The following TAFA4 variants were observed in gnomAD, a reference collection of about 807,000 sequenced individuals.
The protein encoded by TAFA4 is chemokine-like protein TAFA-4.
In TAFA4, 20 loss-of-function variants were observed where a neutral mutation model predicts 21.1. That is an observed-to-expected ratio of 0.95 (90% CI 0.67 to 1.38). The LOEUF (loss-of-function observed/expected upper bound fraction) is 1.38. TAFA4 is among the 40% of genes most tolerant of loss of function. TAFA4 has a pLI of 0.00. For missense variants in TAFA4, 211 were observed against 180.9 expected (o/e 1.17, Z -0.95); for synonymous variants, 71 against 67.4 (o/e 1.05, Z -0.26).
At chr3:68,854,959 G>C (rs1414136164) in intron 3 of TAFA4, among the ~76,000 whole-genome samples, 3 of 152,072 alleles carry the variant, frequency 2.0e-5, no homozygotes, top group Admixed American at 6.6e-5. Context: ...TTCACTCTTA[G>C]TTAACATATA....
intron 4 of TAFA4, among the ~76,000 whole-genome samples, chr3:68,744,774 A>T (rs1322775907): frequency 6.6e-6 from 1 of 152,200 alleles, no homozygotes; most frequent in South Asian, 2.1e-4. Context: ...TAAAAAATTT[A>T]AAAAGGAAAC....
intron 4 of TAFA4, 135 bp downstream of exon 4, chr3:68,752,728 T>C (rs1575595470): frequency 1.0e-6 from 1 of 967,684 alleles, no homozygotes; most frequent in East Asian, 2.5e-5. Flanking sequence ...GTTGTATTTA[T>C]GTACATTTTT....
intron 5 of TAFA4, 126 bp downstream of exon 5, chr3:68,738,949 G>A: frequency 7.3e-7 from 1 of 1,365,162 alleles, no homozygotes; most frequent in Non-Finnish European, 9.9e-7. Flanking sequence ...AAATCCGTAA[G>A]GTAGCACTGC....
chr3:68,732,162 T>C lies in TAFA4; in HGVS notation c.*980A>G, dbSNP rs1373718733. ...ATTAAGCCAATCAGGACTCAGATTT[T>C]AAAGAAATAAGATGGCTAACACAGA... On this transcript the variant is annotated 3_prime_UTR_variant, in exon 6 of 6. Transcript: ENST00000295569. 1 of 152,516 alleles carries C rather than the reference T, an allele frequency of 6.6e-6. No homozygotes were observed. Among genetic ancestry groups the C allele is most frequent in the Non-Finnish European group, 1.5e-5 (1 of 68,016 alleles). 9.4% of individuals were successfully genotyped at this position (152,516 alleles called of 1,614,324 possible). A position where few individuals can be genotyped will look rare whatever the true frequency, so the allele number is the denominator to read the frequency against.
intron 3 of TAFA4, among the ~76,000 whole-genome samples, chr3:68,845,208 T>C (rs1288206639): frequency 6.6e-6 from 1 of 152,224 alleles, no homozygotes; most frequent in Admixed American, 6.5e-5. Context: ...AGTGGGTTCA[T>C]ATATATTTAG....
At chr3:68,922,972 C>T (rs1411132344) in intron 1 of TAFA4, among the ~76,000 whole-genome samples, 1 of 152,134 alleles carries the variant, frequency 6.6e-6, no homozygotes, top group Non-Finnish European at 1.5e-5. Context: ...CCAACTCACC[C>T]ATGAGGAACA....
At chr3:68,780,265 A>C (rs185778690) in intron 3 of TAFA4, among the ~76,000 whole-genome samples, 1 of 152,356 alleles carries the variant, frequency 6.6e-6, no homozygotes, top group Admixed American at 6.5e-5. Context: ...GAGACAATGG[A>C]CTGTGAACTT....
intron 3 of TAFA4, among the ~76,000 whole-genome samples, chr3:68,858,577 C>CGTGT (rs4065047): frequency 0.29 from 41,855 of 145,928 alleles, 6,148 homozygotes; most frequent in East Asian, 0.55. Flanking sequence ...TTCCAAGTGA[C>CGTGT]GTGTGTGTGT....
intron 2 of TAFA4, among the ~76,000 whole-genome samples, chr3:68,882,114 CA>C (rs2106952172): frequency 6.6e-6 from 1 of 152,142 alleles, no homozygotes; most frequent in East Asian, 1.9e-4. Flanking sequence ...TTAAAGGCAA[CA>C]AAAAGCACTG....
At chr3:68,782,420 A>G (rs1703170612) in intron 3 of TAFA4, among the ~76,000 whole-genome samples, 1 of 152,240 alleles carries the variant, frequency 6.6e-6, no homozygotes, top group East Asian at 1.9e-4. Flanking sequence ...ACAGATGTTC[A>G]AACAAAAACT....
chr3:68,885,640 T>C (rs2089664505), intron 1 of TAFA4, among the ~76,000 whole-genome samples: 2 of 152,246 alleles, frequency 1.3e-5, no homozygotes, highest in Admixed American at 1.3e-4. Context: ...TCATTGACCA[T>C]CAGGAAAAAT....
chr3:68,871,670 C>A (rs2089484558), intron 3 of TAFA4, among the ~76,000 whole-genome samples: 2 of 152,002 alleles, frequency 1.3e-5, no homozygotes, highest in Admixed American at 6.6e-5. Flanking sequence ...AATTAATAAG[C>A]AGCATATATA....
Position 68,914,427 on chromosome 3 carries a change from T to C in TAFA4, c.-123+17813A>G, listed in dbSNP as rs930372138. On this transcript the variant is annotated intron_variant, in intron 1 of 5. Transcript: ENST00000295569. ...GTACCTATGTGAACATTCACTAAGC[T>C]CTAGTAATTAAGATTTGGACACTTT... Among the ~76,000 whole-genome samples the C allele has an allele frequency of 2.0e-5, 3 of 152,204 alleles. No homozygotes were observed. In the East Asian group the frequency reaches 5.8e-4, roughly 29 times the overall value.
intron 3 of TAFA4, among the ~76,000 whole-genome samples, chr3:68,868,307 T>G (rs536482600): frequency 2.8e-4 from 43 of 152,046 alleles, no homozygotes; most frequent in African/African-American, 1.0e-3. Context: ...CAACTGTAAA[T>G]ATATATGCAC....
intron 5 of TAFA4, among the ~76,000 whole-genome samples, chr3:68,734,175 AATTTCATATAATCTTCATGC>A (rs1702200053): frequency 6.6e-6 from 1 of 152,184 alleles, no homozygotes. Flanking sequence ...GTAAAATCTG[AATTTCATATAATCTTCATGC>A]ATTCTGAAAT....
At chr3:68,813,002 G>A (rs1033282683) in intron 3 of TAFA4, among the ~76,000 whole-genome samples, 3 of 152,132 alleles carry the variant, frequency 2.0e-5, no homozygotes, top group African/African-American at 7.2e-5. Flanking sequence ...AATCAAACTA[G>A]AACTCAGGAT....
Position 68,795,312 on chromosome 3 carries a change from C to T in TAFA4, c.131-42294G>A, listed in dbSNP as rs1435852005. Among the ~76,000 whole-genome samples, 13 of 151,510 alleles carry T rather than the reference C, an allele frequency of 8.6e-5. No individual in the cohort carries two copies. The East Asian group carries it at 2.3e-3, about 27-fold the overall frequency. Reference sequence around the variant, plus strand: ...CATTCAGTATCCATTACCCTCAATGCTAGTAACACATCCAATTTCCCTTTA... The same window carrying T: ...CATTCAGTATCCATTACCCTCAATGTTAGTAACACATCCAATTTCCCTTTA... On this transcript the variant is annotated intron_variant, in intron 3 of 5. Transcript: ENST00000295569.
intron 1 of TAFA4, among the ~76,000 whole-genome samples, chr3:68,918,839 C>A (rs886449018): frequency 6.6e-6 from 1 of 152,192 alleles, no homozygotes; most frequent in African/African-American, 2.4e-5. Flanking sequence ...CCATGCCCAG[C>A]CTCTTCCATT....
chr3:68,855,576 G>C (rs990900940), intron 3 of TAFA4, among the ~76,000 whole-genome samples: 1 of 152,170 alleles, frequency 6.6e-6, no homozygotes, highest in Admixed American at 6.5e-5. Flanking sequence ...CTGACGTAGC[G>C]TTTGATCCCT....
Sources: allele counts gnomAD v4.1 joint callset (sites outside exome capture counted in the v4.1 genomes callset), GRCh38; gene constraint gnomAD v4.1.1; transcripts MANE v1.5; gene names NCBI Gene and HGNC (gene_info 2026-07-23, HGNC 2026-07-21).